WWC2: variants seen among roughly 807,000 people sequenced by gnomAD.
The protein encoded by WWC2 is protein WWC2.
WWC2 carries 101 observed loss-of-function variants against 138.5 expected under a neutral mutation model. The ratio of observed to expected loss-of-function variants is 0.73; its 90% confidence interval spans 0.62 to 0.86. The LOEUF is 0.86. WWC2 is among the 40% of genes least tolerant of loss of function. WWC2 has a pLI of 0.00. For synonymous variants in WWC2, 558 were observed against 538.4 expected, an observed-to-expected ratio of 1.04 and a Z score of -0.50; for missense variants, 1,420 against 1,419.4, an observed-to-expected ratio of 1.00 and a Z score of -0.01.
intron 1 of WWC2, among the ~76,000 whole-genome samples, chr4:183,149,327 A>G (rs548126485): frequency 3.1e-4 from 47 of 152,268 alleles, no homozygotes; most frequent in African/African-American, 1.0e-3. Context: ...GTTTCTTTTG[A>G]AAAACAAATC....
chr4:183,268,925 ATAAT>A lies in WWC2; in HGVS notation c.2208-42_2208-39del, dbSNP rs370928958. The A allele has an allele frequency of 2.1e-5, 32 of 1,518,440 alleles. No individual in the cohort carries two copies. In the African/African-American group the frequency reaches 3.5e-4, roughly 16 times the overall value. 94.1% of individuals were successfully genotyped at this position (1,518,440 alleles called of 1,614,324 possible). On this transcript the variant is annotated intron_variant, in intron 14 of 22. Transcript: ENST00000403733. ...TTCAAATGATAGCTGTGAATCTGGT[ATAAT>A]TAAAGTACCTATGAAATCCATTTTA...
At chr4:183,099,645 C>T in intron 1 of WWC2, 23 bp downstream of exon 1, 1 of 1,283,376 alleles carries the variant, frequency 7.8e-7, no homozygotes, top group Non-Finnish European at 1.0e-6. Context: ...CGCGGGGGCG[C>T]GGGCCCGTTC....
At chr4:183,224,411 T>C (rs1304328186) in intron 4 of WWC2, among the ~76,000 whole-genome samples, 1 of 152,188 alleles carries the variant, frequency 6.6e-6, no homozygotes, top group Admixed American at 6.5e-5. Context: ...AAAGAGAAAC[T>C]TTCCCCCTGC....
chr4:183,165,094 A>G (rs1159923919), intron 1 of WWC2, among the ~76,000 whole-genome samples: 2 of 152,172 alleles, frequency 1.3e-5, no homozygotes, highest in African/African-American at 4.8e-5. Context: ...TTTGTTTCAG[A>G]GTCTTGTATT....
intron 2 of WWC2, among the ~76,000 whole-genome samples, chr4:183,196,745 G>T (rs950804623): frequency 2.6e-5 from 4 of 152,102 alleles, no homozygotes; most frequent in Admixed American, 6.5e-5. Context: ...TCTCTGCACA[G>T]CCCCTAGGCC....
In WWC2 at chr4:183,319,744, T is replaced by C; in HGVS notation, c.*4015T>C. The stretch of plus-strand genomic sequence containing the variant: ...AACAGGGCCTCCCCAAACTCCCACC[T>C]GGGGACAAAGTCTGGGACGTTCTCA... On this transcript the variant is annotated 3_prime_UTR_variant, in exon 23 of 23. Coordinates refer to ENST00000403733, the MANE Select transcript of WWC2 (RefSeq NM_024949.6). 6.2e-7 allele frequency: 1 copy of C among 1,613,910 alleles called. No individual in the cohort carries two copies. The highest frequency in any genetic ancestry group is 1.3e-5 in the African/African-American group (1 of 75,006).
intron 21 of WWC2, among the ~76,000 whole-genome samples, chr4:183,308,461 C>G (rs778771746): frequency 2.0e-5 from 3 of 151,888 alleles, no homozygotes; most frequent in Non-Finnish European, 4.4e-5. Flanking sequence ...TACCTGACTT[C>G]AAGACTTACT....
intron 1 of WWC2, among the ~76,000 whole-genome samples, chr4:183,165,750 G>A (rs552260477): frequency 3.9e-5 from 6 of 152,286 alleles, no homozygotes; most frequent in Non-Finnish European, 8.8e-5. Flanking sequence ...GGCACCAAAT[G>A]CAACTTTTTC....
Position 183,312,429 on chromosome 4 carries a change from A to G in WWC2, c.3473A>G (p.Glu1158Gly). Residue 1158 changes from glutamate (E) to glycine (G), a missense_variant, in exon 22 of 23, where the codon GAG becomes GGG. Glu to Gly is a moderately conservative substitution (Grantham distance 98). Coordinates refer to ENST00000403733, the MANE Select transcript of WWC2 (RefSeq NM_024949.6). ...QVSKDVCRLR[E>G]QSQKVPRQVQ... The stretch of plus-strand genomic sequence containing the variant: ...TCCAAGGACGTGTGTCGGCTCCGGG[A>G]GCAGAGCCAGAAGGTGCCTCGGCAG... 1 of 1,613,828 alleles carries G rather than the reference A, an allele frequency of 6.2e-7. No individual in the cohort carries two copies. The highest frequency in any genetic ancestry group is 8.5e-7 in the Non-Finnish European group (1 of 1,179,772).
intron 1 of WWC2, among the ~76,000 whole-genome samples, chr4:183,138,560 G>A (rs898572395): frequency 1.3e-5 from 2 of 152,082 alleles, no homozygotes; most frequent in African/African-American, 2.4e-5. Context: ...AGTGGTTTCC[G>A]CAGGAGACCA....
intron 4 of WWC2, among the ~76,000 whole-genome samples, chr4:183,226,839 G>T (rs573189823): frequency 1.3e-5 from 2 of 152,188 alleles, no homozygotes; most frequent in South Asian, 4.1e-4. Context: ...TAATATAAAT[G>T]AAGATAAATG....
intron 1 of WWC2, among the ~76,000 whole-genome samples, chr4:183,123,133 T>G (rs958185781): frequency 6.6e-6 from 1 of 152,158 alleles, no homozygotes; most frequent in African/African-American, 2.4e-5. Flanking sequence ...GGTTAAACAT[T>G]TGCATCCTGT....
intron 8 of WWC2, among the ~76,000 whole-genome samples, chr4:183,251,865 A>G (rs189558847): frequency 6.6e-6 from 1 of 152,282 alleles, no homozygotes; most frequent in African/African-American, 2.4e-5. Flanking sequence ...TTTCTCTGAA[A>G]TCTGTTTTCT....
chr4:183,106,747 T>G (rs1210757510), intron 1 of WWC2, among the ~76,000 whole-genome samples: 2 of 152,248 alleles, frequency 1.3e-5, no homozygotes, highest in African/African-American at 4.8e-5. Context: ...TTTGTAGCAT[T>G]TATTGTACTA....
At chr4:183,212,914 T>A (rs1227599786) in intron 4 of WWC2, among the ~76,000 whole-genome samples, 1 of 152,116 alleles carries the variant, frequency 6.6e-6, no homozygotes, top group Non-Finnish European at 1.5e-5. Context: ...ACGTATAATA[T>A]ATATAATATT....
At chr4:183,118,886 G>A (rs1732508488) in intron 1 of WWC2, among the ~76,000 whole-genome samples, 1 of 152,050 alleles carries the variant, frequency 6.6e-6, no homozygotes, top group African/African-American at 2.4e-5. Context: ...GGTTTGCATA[G>A]AAGGGTCATG....
Position 183,126,726 on chromosome 4 carries a change from GTTTAT to G in WWC2, c.131+27122_131+27126del, listed in dbSNP as rs527905219. On this transcript the variant is annotated intron_variant, in intron 1 of 22. Transcript: ENST00000403733. ...ATGGCCTATGTATGCACACACACTG[GTTTAT>G]TTTATTTTATTTTATTTATTTATTT... 7.2e-5 allele frequency among the ~76,000 whole-genome samples: 11 copies of G among 151,896 alleles called. No individual in the cohort carries two copies. The East Asian group carries it at 1.4e-3, about 19-fold the overall frequency.
At chr4:183,174,516 A>G (rs1464356652) in intron 1 of WWC2, among the ~76,000 whole-genome samples, 5 of 151,904 alleles carry the variant, frequency 3.3e-5, no homozygotes, top group Non-Finnish European at 5.9e-5. Flanking sequence ...TGACCTTCCC[A>G]TTGTCCTTTT....
At chr4:183,280,244 T>TG (rs1560883841) in intron 16 of WWC2, among the ~76,000 whole-genome samples, 3 of 148,386 alleles carry the variant, frequency 2.0e-5, no homozygotes, top group African/African-American at 7.4e-5. Context: ...TTTTTTTTTT[T>TG]TTTTTTTTTT....
Sources: gnomAD v4.1 joint callset for allele counts (sites outside exome capture counted in the v4.1 genomes callset) on GRCh38, gnomAD v4.1.1 for gene constraint, MANE v1.5 for transcripts, NCBI Gene and HGNC (gene_info 2026-07-23, HGNC 2026-07-21) for gene names.